RBFOX3: variants seen among roughly 807,000 people sequenced by gnomAD.
The protein encoded by RBFOX3 is RNA binding fox-1 homolog 3, also known as RNA binding protein fox-1 homolog 3.
In RBFOX3, 17 loss-of-function variants were observed where a neutral mutation model predicts 48.7. That is an observed-to-expected ratio of 0.35 (90% CI 0.24 to 0.52). RBFOX3 has a LOEUF of 0.52. RBFOX3 is among the 20% of genes least tolerant of loss of function. The pLI, the probability that RBFOX3 is intolerant of heterozygous loss-of-function variation, is 0.94. For missense variants in RBFOX3, 382 were observed against 497.5 expected (o/e 0.77, Z 2.21); for synonymous variants, 212 against 209.5 (o/e 1.01, Z -0.10).
At position 79,567,570 on chromosome 17, in the gene RBFOX3, CTGATT is replaced by C. The variant is rs1171353265; in HGVS notation, c.-320+43251_-320+43255del. 3.9e-3 allele frequency among the ~76,000 whole-genome samples: 590 copies of C among 152,204 alleles called. 6 individuals carry two copies. Among genetic ancestry groups the C allele is most frequent in the African/African-American group, 0.013 (554 of 41,502 alleles). On this transcript the variant is annotated intron_variant, in intron 1 of 14. Transcript: ENST00000693108. ...ATGTTGCCATAAATGACAGGTTTCC[CTGATT>C]TGATCATTACACACTGTATATATGC...
Position 79,205,545 on chromosome 17 carries a change from A to T in RBFOX3, c.-34+30221T>A, listed in dbSNP as rs1343986776. ...GAAATCAGAAAAAACAGTACACCCC[A>T]GGGAACTTGCAAAAATTATATCCAC... On this transcript the variant is annotated intron_variant, in intron 4 of 14. Transcript: ENST00000693108. The surrounding 1 kb of genome is among the most constrained non-coding windows in gnomAD (Gnocchi z 4.5). Among the ~76,000 whole-genome samples the T allele has an allele frequency of 1.3e-5, 2 of 152,320 alleles. No individual in the cohort carries two copies. Among genetic ancestry groups the T allele is most frequent in the East Asian group, 3.9e-4 (2 of 5,190 alleles).
At chr17:79,648,957 C>G in the RBFOX3 span, among the ~76,000 whole-genome samples, 1 of 150,644 alleles carries the variant, frequency 6.6e-6, no homozygotes, top group Non-Finnish European at 1.5e-5. Flanking sequence ...GCTCAATCAG[C>G]TTAGCATGAG....
chr17:79,588,299 A>G (rs2093315562), intron 1 of RBFOX3, among the ~76,000 whole-genome samples: 1 of 152,144 alleles, frequency 6.6e-6, no homozygotes, highest in South Asian at 2.1e-4. Flanking sequence ...GTGTTTTCTA[A>G]TGCACTTGAT....
At position 79,212,597 on chromosome 17, in the gene RBFOX3, T is replaced by TC. The variant is rs1359478144; in HGVS notation, c.-34+23168dup. Among the ~76,000 whole-genome samples the TC allele has an allele frequency of 2.0e-5, 3 of 152,268 alleles. No individual in the cohort carries two copies. In the East Asian group the frequency reaches 5.8e-4, roughly 29 times the overall value. On this transcript the variant is annotated intron_variant, in intron 4 of 14. Coordinates refer to ENST00000693108, the MANE Select transcript of RBFOX3 (RefSeq NM_001350451.2). This position sits in a 1 kb window ranked among gnomAD's most constrained non-coding sequence, Gnocchi z 4.7. ...AACTTAACTTCTTTCACAAGCAAATTCCCAGAGCCTGGTTCTTCCCCAGCC... is the reference window on the plus strand; with the variant it reads ...AACTTAACTTCTTTCACAAGCAAATTCCCCAGAGCCTGGTTCTTCCCCAGCC...
chr17:79,410,569 A>T (rs1308460452), intron 2 of RBFOX3, among the ~76,000 whole-genome samples: 2 of 152,178 alleles, frequency 1.3e-5, no homozygotes, highest in Non-Finnish European at 2.9e-5. Flanking sequence ...GGGATTCCAC[A>T]GTAAAAGGGA....
At chr17:79,251,773 G>C (rs2063995215) in intron 3 of RBFOX3, among the ~76,000 whole-genome samples, 1 of 152,184 alleles carries the variant, frequency 6.6e-6, no homozygotes, top group Non-Finnish European at 1.5e-5. Flanking sequence ...CTCAGGGAAG[G>C]TTCAAGACCT....
chr17:79,264,091 C>T (rs1480560833), intron 3 of RBFOX3, among the ~76,000 whole-genome samples: 1 of 139,996 alleles, frequency 7.1e-6, no homozygotes. Flanking sequence ...GCCCTGTTGG[C>T]ATCTTTTTTT....
chr17:79,506,527 G>T (rs915599652), intron 1 of RBFOX3, among the ~76,000 whole-genome samples: 1 of 152,214 alleles, frequency 6.6e-6, no homozygotes, highest in African/African-American at 2.4e-5. Context: ...GTGCTCCAGT[G>T]GCCCCCTACC....
At chr17:79,289,291 G>A (rs2072742780) in intron 3 of RBFOX3, among the ~76,000 whole-genome samples, 1 of 152,238 alleles carries the variant, frequency 6.6e-6, no homozygotes, top group African/African-American at 2.4e-5. Context: ...TCAAGCCAGA[G>A]AGATGGGGAA....
chr17:79,138,232 C>T (rs550153540), intron 4 of RBFOX3, among the ~76,000 whole-genome samples: 153 of 152,290 alleles, frequency 1.0e-3, no homozygotes, highest in African/African-American at 3.2e-3. Flanking sequence ...GTGTGCAACA[C>T]GCACACTCAG....
At chr17:79,382,315 G>A (rs2060023924) in intron 2 of RBFOX3, among the ~76,000 whole-genome samples, 1 of 152,214 alleles carries the variant, frequency 6.6e-6, no homozygotes, top group Non-Finnish European at 1.5e-5. Flanking sequence ...CTGCATCCCT[G>A]CAGGGATGGG....
At chr17:79,358,213 T>C (rs568850823) in intron 2 of RBFOX3, among the ~76,000 whole-genome samples, 8 of 152,172 alleles carry the variant, frequency 5.3e-5, no homozygotes, top group Non-Finnish European at 1.0e-4. Context: ...CCCAAAGTGC[T>C]GGGATTACAG....
chr17:79,271,063 T>C (rs1047046231), intron 3 of RBFOX3, among the ~76,000 whole-genome samples: 1 of 142,978 alleles, frequency 7.0e-6, no homozygotes, highest in Non-Finnish European at 1.5e-5. Context: ...CATCTTTTCT[T>C]AAAAATTCAT....
At chr17:79,447,518 C>T (rs1460494211) in intron 2 of RBFOX3, among the ~76,000 whole-genome samples, 2 of 152,132 alleles carry the variant, frequency 1.3e-5, no homozygotes, top group Non-Finnish European at 2.9e-5. Context: ...GTGCACAGTC[C>T]CATTTTACAG....
intron 4 of RBFOX3, among the ~76,000 whole-genome samples, chr17:79,126,905 G>GGCACC (rs1323046162): frequency 6.6e-6 from 1 of 152,178 alleles, no homozygotes; most frequent in Non-Finnish European, 1.5e-5. Context: ...ACTTCCACCC[G>GGCACC]GCACCGGGCT....
intron 2 of RBFOX3, among the ~76,000 whole-genome samples, chr17:79,470,979 T>C (rs898100160): frequency 6.6e-6 from 1 of 152,134 alleles, no homozygotes; most frequent in Non-Finnish European, 1.5e-5. Context: ...CACAGCCCAC[T>C]GCACGCATGT....
intron 3 of RBFOX3, among the ~76,000 whole-genome samples, chr17:79,288,236 C>A (rs117097073): frequency 6.6e-6 from 1 of 152,208 alleles, no homozygotes; most frequent in Non-Finnish European, 1.5e-5. Context: ...GGGAAGCTCA[C>A]CAGGACAGGG....
At chr17:79,562,086 G>A (rs2092259427) in intron 1 of RBFOX3, among the ~76,000 whole-genome samples, 1 of 152,248 alleles carries the variant, frequency 6.6e-6, no homozygotes, top group Non-Finnish European at 1.5e-5. Flanking sequence ...TCTGTGACAT[G>A]CATTAGCAAA....
At chr17:79,609,615 C>T (rs1368787828) in intron 1 of RBFOX3, among the ~76,000 whole-genome samples, 2 of 152,148 alleles carry the variant, frequency 1.3e-5, no homozygotes, top group African/African-American at 4.8e-5. Context: ...CTCCCCACCT[C>T]GCTGGGCCCC....
Sources: allele counts gnomAD v4.1 joint callset (sites outside exome capture counted in the v4.1 genomes callset), GRCh38; gene constraint gnomAD v4.1.1; non-coding constraint Gnocchi (gnomAD v3.1); transcripts MANE v1.5; gene names NCBI Gene and HGNC (gene_info 2026-07-23, HGNC 2026-07-21).